Variants in TRPM3 observed in about 807,000 individuals in gnomAD.
TRPM3 encodes long transient receptor potential channel 3.
Under a neutral mutation model 181.2 loss-of-function variants are expected in TRPM3, and 77 were observed. That is an observed-to-expected ratio of 0.42 (90% confidence interval 0.35 to 0.51). The LOEUF (loss-of-function observed/expected upper bound fraction) is 0.51, where lower values mean the gene tolerates loss of function less well. Among genes scored for constraint, TRPM3 ranks in the 20% least tolerant of loss-of-function variants. The pLI is 0.01. For synonymous variants in TRPM3, 745 were observed against 796.4 expected (o/e 0.94, Z 1.09); for missense variants, 1,759 against 2,196.7 (o/e 0.80, Z 3.98).
chr9:70,864,537 AAAAAG>A, intron 1 of TRPM3, 26 bp from the exon 2 acceptor site: 7 of 1,457,966 alleles, frequency 4.8e-6, no homozygotes, highest in Non-Finnish European at 6.3e-6. Context: ...AAAAAAAAAA[AAAAAG>A]AAAAAAGAAA....
intron 1 of TRPM3, among the ~76,000 whole-genome samples, chr9:71,220,000 C>T (rs992423850): frequency 2.6e-5 from 4 of 152,098 alleles, no homozygotes; most frequent in Non-Finnish European, 5.9e-5. Context: ...GGTTTAAAAC[C>T]ACCAGATTGA....
At chr9:70,598,271 C>CA in intron 21 of TRPM3, 148 bp downstream of exon 21, 1 of 1,064,650 alleles carries the variant, frequency 9.4e-7, no homozygotes, top group Non-Finnish European at 1.4e-6. Context: ...AACCCCCAAA[C>CA]ATTCAAAAGG....
chr9:71,357,311 T>C (rs527530723), intron 1 of TRPM3, among the ~76,000 whole-genome samples: 2 of 152,324 alleles, frequency 1.3e-5, no homozygotes, highest in East Asian at 3.9e-4. Flanking sequence ...TCAATTATTA[T>C]GAAACCAAAG....
At chr9:70,978,174 T>C (rs1183872693) in intron 1 of TRPM3, among the ~76,000 whole-genome samples, 2 of 152,202 alleles carry the variant, frequency 1.3e-5, no homozygotes, top group South Asian at 2.1e-4. Flanking sequence ...AGAAGCTTTG[T>C]GTTAGGAACC....
At chr9:71,424,612 T>C (rs1057509570) in intron 1 of TRPM3, among the ~76,000 whole-genome samples, 1 of 152,178 alleles carries the variant, frequency 6.6e-6, no homozygotes, top group East Asian at 1.9e-4. Flanking sequence ...CTTTTGTGTA[T>C]AATTTTATTT....
intron 22 of TRPM3, among the ~76,000 whole-genome samples, chr9:70,555,960 C>T (rs1329979680): frequency 1.3e-5 from 2 of 152,192 alleles, no homozygotes; most frequent in East Asian, 3.9e-4. Context: ...TGAGAGAATA[C>T]AAAATAAACT....
chr9:70,680,573 TTCTCTG>T (rs2065153512), intron 9 of TRPM3, among the ~76,000 whole-genome samples: 1 of 152,174 alleles, frequency 6.6e-6, no homozygotes, highest in Non-Finnish European at 1.5e-5. Flanking sequence ...ACCAGACACA[TTCTCTG>T]CCCTATCTAG....
chr9:71,371,182 C>T (rs1365150805), intron 1 of TRPM3, among the ~76,000 whole-genome samples: 2 of 152,126 alleles, frequency 1.3e-5, no homozygotes, highest in Admixed American at 1.3e-4. Context: ...GCTGACACAA[C>T]ATACATTCTG....
At chr9:71,207,938 T>G (rs1293766528) in intron 1 of TRPM3, among the ~76,000 whole-genome samples, 1 of 152,178 alleles carries the variant, frequency 6.6e-6, no homozygotes, top group Non-Finnish European at 1.5e-5. Flanking sequence ...ATGAGAGTGG[T>G]TTCCTTGTCC....
chr9:71,078,600 A>C (rs920209184), intron 1 of TRPM3, among the ~76,000 whole-genome samples: 3 of 152,224 alleles, frequency 2.0e-5, no homozygotes, highest in African/African-American at 7.2e-5. Flanking sequence ...ACAGAGTTTT[A>C]AAGTAGTGAG....
intron 7 of TRPM3, among the ~76,000 whole-genome samples, chr9:70,773,577 T>C (rs1156243): frequency 0.22 from 33,388 of 152,184 alleles, 4,502 homozygotes; most frequent in Non-Finnish European, 0.3. Context: ...GGGACAAATA[T>C]AAGTGTCTCT....
chr9:70,574,367 G>A (rs1341071643), intron 22 of TRPM3, among the ~76,000 whole-genome samples: 1 of 152,054 alleles, frequency 6.6e-6, no homozygotes, highest in Non-Finnish European at 1.5e-5. Flanking sequence ...CTCTGTCTCA[G>A]GACTTTGCAC....
intron 1 of TRPM3, among the ~76,000 whole-genome samples, chr9:71,069,206 T>C (rs530250736): frequency 4.8e-4 from 73 of 152,338 alleles, no homozygotes; most frequent in South Asian, 4.1e-3. Context: ...CCAGGTAAGA[T>C]GGAGTCTCAC....
intron 1 of TRPM3, among the ~76,000 whole-genome samples, chr9:71,410,612 A>G (rs1046303076): frequency 1.3e-5 from 2 of 152,192 alleles, no homozygotes; most frequent in Non-Finnish European, 2.9e-5. Flanking sequence ...TCAGACAGTA[A>G]TTAATAGCCT....
At chr9:70,845,838 T>C (rs967660033) in intron 4 of TRPM3, among the ~76,000 whole-genome samples, 3 of 152,172 alleles carry the variant, frequency 2.0e-5, no homozygotes, top group Non-Finnish European at 4.4e-5. Context: ...TATCACAATA[T>C]AGATGGCAGG....
intron 1 of TRPM3, among the ~76,000 whole-genome samples, chr9:71,076,135 G>A (rs2063427424): frequency 6.6e-6 from 1 of 152,160 alleles, no homozygotes; most frequent in South Asian, 2.1e-4. Context: ...GTGGTGGGCT[G>A]GAGTCTGCTC....
intron 1 of TRPM3, among the ~76,000 whole-genome samples, chr9:71,361,018 G>A (rs114918095): frequency 0.017 from 2,531 of 152,216 alleles, 78 homozygotes; most frequent in African/African-American, 0.058. Context: ...ATGGAGTCTT[G>A]CCTTGTGGCC....
At chr9:71,219,358 C>T (rs1329080269) in intron 1 of TRPM3, among the ~76,000 whole-genome samples, 1 of 152,178 alleles carries the variant, frequency 6.6e-6, no homozygotes, top group East Asian at 1.9e-4. Context: ...TCCTGAACCT[C>T]TTAATGGTCA....
At chr9:71,322,206 AG>A (rs150879371) in intron 1 of TRPM3, among the ~76,000 whole-genome samples, 3,316 of 152,100 alleles carry the variant, frequency 0.022, 120 homozygotes, top group African/African-American at 0.076. Context: ...ATATGATTTG[AG>A]GTTCCATCAT....
Sources: allele counts gnomAD v4.1 joint callset (sites outside exome capture counted in the v4.1 genomes callset), GRCh38; gene constraint gnomAD v4.1.1; transcripts MANE v1.5; gene names NCBI Gene and HGNC (gene_info 2026-07-23, HGNC 2026-07-21).